ACOXL: variants seen among roughly 807,000 people sequenced by gnomAD.
ACOXL encodes acyl-coenzyme A oxidase-like protein.
ACOXL carries 70 observed loss-of-function variants against 71.9 expected under a neutral mutation model. The ratio of observed to expected loss-of-function variants is 0.97; its 90% CI spans 0.80 to 1.19. The LOEUF (loss-of-function observed/expected upper bound fraction) is 1.19. Ranked by LOEUF, ACOXL falls within the 50% of genes most tolerant of loss-of-function variation. The probability of loss-of-function intolerance (pLI) is 0.00; values close to 1 mark genes in which losing one functional copy is unlikely to be tolerated. For synonymous variants in ACOXL, 253 were observed against 281.6 expected, an observed-to-expected ratio of 0.90 and a Z score of 1.02; for missense variants, 703 against 736.3, an observed-to-expected ratio of 0.95 and a Z score of 0.52.
chr2:110,963,663 G>A, intron 12 of ACOXL: 2 of 1,613,914 alleles, frequency 1.2e-6, no homozygotes. Flanking sequence ...CTTAAAGTGT[G>A]ACACAGATGT....
chr2:110,769,176 C>CT (rs1681530058), intron 2 of ACOXL, among the ~76,000 whole-genome samples: 1 of 151,260 alleles, frequency 6.6e-6, no homozygotes, highest in Non-Finnish European at 1.5e-5. Flanking sequence ...TGTCTAAAAA[C>CT]TGTCATTCTA....
intron 9 of ACOXL, among the ~76,000 whole-genome samples, chr2:110,832,506 C>CCGCA (rs1689957360): frequency 6.7e-6 from 1 of 150,058 alleles, no homozygotes; most frequent in African/African-American, 2.5e-5. Context: ...CCACTGCAGT[C>CCGCA]CGCAGTCCGG....
intron 14 of ACOXL, among the ~76,000 whole-genome samples, chr2:111,023,060 A>G (rs2064845961): frequency 6.6e-6 from 1 of 151,748 alleles, no homozygotes; most frequent in South Asian, 2.1e-4. Context: ...CTGTTGTTGA[A>G]CTCCATATCT....
intron 9 of ACOXL, among the ~76,000 whole-genome samples, chr2:110,828,873 G>A (rs112009805): frequency 6.6e-5 from 10 of 152,012 alleles, no homozygotes; most frequent in African/African-American, 1.2e-4. Flanking sequence ...GTGCAATGGC[G>A]CAATCTTGGC....
chr2:111,044,698 T>C (rs999820194), intron 15 of ACOXL, among the ~76,000 whole-genome samples: 1 of 152,204 alleles, frequency 6.6e-6, no homozygotes, highest in African/African-American at 2.4e-5. Flanking sequence ...CGAAACAGCA[T>C]ATTATAATGA....
chr2:110,760,576 A>G (rs1680271344), intron 1 of ACOXL, among the ~76,000 whole-genome samples: 1 of 152,208 alleles, frequency 6.6e-6, no homozygotes, highest in South Asian at 2.1e-4. Flanking sequence ...TCAGTTAGCC[A>G]TGAATTGGAC....
chr2:110,861,403 C>T (rs13015813), intron 10 of ACOXL, among the ~76,000 whole-genome samples: 35,875 of 151,912 alleles, frequency 0.24, 4,433 homozygotes, highest in South Asian at 0.29. Context: ...TGGCTTTTCC[C>T]GGTGGGACAG....
intron 16 of ACOXL, among the ~76,000 whole-genome samples, chr2:111,052,704 A>G (rs13000374): frequency 0.69 from 104,132 of 151,962 alleles, 36,120 homozygotes; most frequent in South Asian, 0.77. Flanking sequence ...CTATTTGCCA[A>G]TTAATCTCTT....
intron 14 of ACOXL, among the ~76,000 whole-genome samples, chr2:111,018,713 G>GGC (rs1553458296): frequency 6.6e-6 from 1 of 151,948 alleles, no homozygotes; most frequent in Non-Finnish European, 1.5e-5. Flanking sequence ...GAGGCTGGAG[G>GGC]GGGTGTTGGT....
chr2:110,757,609 G>C (rs1310294842), intron 1 of ACOXL, among the ~76,000 whole-genome samples: 1 of 152,054 alleles, frequency 6.6e-6, no homozygotes, highest in Non-Finnish European at 1.5e-5. Context: ...GATGTGAGCT[G>C]GTATCTCATG....
rs569008819 is a variant in ACOXL at position 111,117,485 on chromosome 2, G to A, written c.1543-131G>A. 1.1e-5 allele frequency: 10 copies of A among 943,172 alleles called. No homozygotes were observed. The East Asian group carries it at 2.1e-4, about 20-fold the overall frequency. 58.4% of individuals were successfully genotyped at this position (943,172 alleles called of 1,614,324 possible). A position where few individuals can be genotyped will look rare whatever the true frequency, so the allele number is the denominator to read the frequency against. On this transcript the variant is annotated intron_variant, in intron 17 of 17. Transcript: ENST00000439055. The stretch of plus-strand genomic sequence containing the variant: ...TTATTCATGGCCAACAGTTTCCACA[G>A]GAGAATCCAAAGGGAAACTAGTTTC...
intron 16 of ACOXL, among the ~76,000 whole-genome samples, chr2:111,068,961 A>G (rs748700419): frequency 5.3e-5 from 8 of 152,176 alleles, no homozygotes; most frequent in Non-Finnish European, 8.8e-5. Context: ...TTTTCCTGAA[A>G]TACAAGTGGA....
At chr2:110,774,169 A>C (rs1682349571) in intron 2 of ACOXL, among the ~76,000 whole-genome samples, 1 of 152,156 alleles carries the variant, frequency 6.6e-6, no homozygotes, top group Non-Finnish European at 1.5e-5. Context: ...TGATTCGTTC[A>C]TTTTATAATT....
At chr2:111,043,699 A>G (rs1168138643) in intron 15 of ACOXL, among the ~76,000 whole-genome samples, 2 of 152,156 alleles carry the variant, frequency 1.3e-5, no homozygotes, top group Non-Finnish European at 2.9e-5. Flanking sequence ...GTGCCAGGGA[A>G]GCCTCAGTAA....
chr2:110,985,233 G>T (rs1430632205), intron 12 of ACOXL, among the ~76,000 whole-genome samples: 2 of 152,014 alleles, frequency 1.3e-5, no homozygotes, highest in Admixed American at 6.6e-5. Flanking sequence ...CCAGATCCTG[G>T]CAGGGTTTGA....
At chr2:111,082,066 C>T (rs757092790) in intron 16 of ACOXL, among the ~76,000 whole-genome samples, 4 of 152,128 alleles carry the variant, frequency 2.6e-5, no homozygotes, top group Non-Finnish European at 4.4e-5. Flanking sequence ...CCATAAAAAT[C>T]CTAGAAGACA....
At chr2:110,993,463 A>G (rs1422882187) in intron 13 of ACOXL, among the ~76,000 whole-genome samples, 1 of 152,170 alleles carries the variant, frequency 6.6e-6, no homozygotes, top group Non-Finnish European at 1.5e-5. Flanking sequence ...TGTTGTGTGT[A>G]TTAGTTTGTT....
chr2:110,878,394 A>G (rs1253650054), intron 10 of ACOXL, among the ~76,000 whole-genome samples: 2 of 152,244 alleles, frequency 1.3e-5, no homozygotes, highest in Non-Finnish European at 2.9e-5. Context: ...AGAAATGGAA[A>G]ATATTCAAGA....
At chr2:110,771,486 T>A (rs1681921880) in intron 2 of ACOXL, among the ~76,000 whole-genome samples, 1 of 152,178 alleles carries the variant, frequency 6.6e-6, no homozygotes, top group African/African-American at 2.4e-5. Flanking sequence ...GTAATGATGA[T>A]GTTCTAGGGG....
Sources: gnomAD v4.1 joint callset for allele counts (sites outside exome capture counted in the v4.1 genomes callset) on GRCh38, gnomAD v4.1.1 for gene constraint, MANE v1.5 for transcripts, NCBI Gene and HGNC (gene_info 2026-07-23, HGNC 2026-07-21) for gene names.